Variants in ZMAT4 observed in about 807,000 individuals in gnomAD.
ZMAT4 encodes zinc finger matrin-type protein 4.
In ZMAT4, 17 loss-of-function variants were observed where a neutral mutation model predicts 28.7. The ratio of observed to expected loss-of-function variants is 0.59; its 90% CI spans 0.41 to 0.89. The LOEUF (loss-of-function observed/expected upper bound fraction) is 0.89. Among genes scored for constraint, ZMAT4 ranks in the 40% least tolerant of loss-of-function variants. The probability of loss-of-function intolerance (pLI) is 0.00; values close to 1 mark genes in which losing one functional copy is unlikely to be tolerated. For missense variants in ZMAT4, 240 were observed against 283.8 expected, an observed-to-expected ratio of 0.85 and a Z score of 1.11; for synonymous variants, 117 against 109.2, an observed-to-expected ratio of 1.07 and a Z score of -0.44.
intron 5 of ZMAT4, among the ~76,000 whole-genome samples, chr8:40,631,914 T>C (rs1285028623): frequency 2.0e-5 from 3 of 152,166 alleles, no homozygotes; most frequent in Admixed American, 2.0e-4. Flanking sequence ...CTTCAAATAC[T>C]CAGACGAAAC....
intron 5 of ZMAT4, among the ~76,000 whole-genome samples, chr8:40,653,674 G>C (rs1248054900): frequency 6.6e-6 from 1 of 152,006 alleles, no homozygotes; most frequent in African/African-American, 2.4e-5. Context: ...ACTTAAAACA[G>C]ATAAATTCAT....
intron 1 of ZMAT4, among the ~76,000 whole-genome samples, chr8:40,869,083 A>G (rs1210290928): frequency 6.6e-6 from 1 of 151,766 alleles, no homozygotes; most frequent in Non-Finnish European, 1.5e-5. Flanking sequence ...ATTCCCTCAC[A>G]TTTCCCATGT....
intron 3 of ZMAT4, among the ~76,000 whole-genome samples, chr8:40,761,486 T>C (rs1196820511): frequency 1.3e-5 from 2 of 152,044 alleles, no homozygotes; most frequent in Non-Finnish European, 2.9e-5. Flanking sequence ...AGCTTTTGCC[T>C]TGGGGAAGCC....
At chr8:40,713,430 G>A (rs1434830916) in intron 3 of ZMAT4, among the ~76,000 whole-genome samples, 1 of 150,908 alleles carries the variant, frequency 6.6e-6, no homozygotes, top group Admixed American at 6.6e-5. Flanking sequence ...CAAGATCAAG[G>A]TAAGGTAATG....
rs376308877 is a variant in ZMAT4, at chr8:40,715,556, G to A, written c.193-18155C>T. Among the ~76,000 whole-genome samples the A allele has an allele frequency of 5.3e-5, 8 of 152,042 alleles. No individual in the cohort carries two copies. In the East Asian group the frequency reaches 1.2e-3, roughly 22 times the overall value. On this transcript the variant is annotated intron_variant, in intron 3 of 6. Transcript: ENST00000297737. Reference sequence around the variant, plus strand: ...TGAATTGTCTAAACATTCCACAGTAGGTGATACTTTTTTACTTTTAAAAAA... The same window carrying A: ...TGAATTGTCTAAACATTCCACAGTAAGTGATACTTTTTTACTTTTAAAAAA...
chr8:40,876,987 C>A (rs1818062435), intron 1 of ZMAT4, among the ~76,000 whole-genome samples: 1 of 152,226 alleles, frequency 6.6e-6, no homozygotes, highest in Non-Finnish European at 1.5e-5. Context: ...CTAGCCTCCA[C>A]TCCTTCAGAA....
intron 5 of ZMAT4, among the ~76,000 whole-genome samples, chr8:40,625,301 C>T (rs965771477): frequency 5.9e-5 from 9 of 152,038 alleles, no homozygotes; most frequent in African/African-American, 9.7e-5. Context: ...CCCTAAGAAC[C>T]GGTTCCAATT....
intron 3 of ZMAT4, among the ~76,000 whole-genome samples, chr8:40,715,027 G>C (rs578245987): frequency 1.6e-5 from 2 of 127,284 alleles, no homozygotes; most frequent in African/African-American, 3.2e-5. Context: ...CCAGCCTGGC[G>C]ACAGAGGGAG....
rs1356208244 is a variant in ZMAT4, at chr8:40,601,706, AAAGAAAGAAAGAAAGAAAGAAAGAG to A, written c.578-20470_578-20446del. Among the ~76,000 whole-genome samples the A allele has an allele frequency of 3.0e-3, 40 of 13,278 alleles. 8 individuals are homozygous for A. Among genetic ancestry groups the A allele is most frequent in the East Asian group, 0.011 (1 of 90 alleles). The allele number at this position is 13,278 out of a possible 152,430, so 8.7% of individuals were successfully genotyped here. ...AAAGAAAGAAAGAAAGAAAGAAAGA[AAAGAAAGAAAGAAAGAAAGAAAGAG>A]AAAGCAGGCAGGCAGGCAGGCAAAG... is the stretch of plus-strand genomic sequence containing the variant. On this transcript the variant is annotated intron_variant, in intron 5 of 6. Coordinates refer to ENST00000297737, the MANE Select transcript of ZMAT4 (RefSeq NM_024645.3).
intron 1 of ZMAT4, among the ~76,000 whole-genome samples, chr8:40,894,304 C>A (rs1356232153): frequency 2.6e-5 from 4 of 152,206 alleles, no homozygotes; most frequent in African/African-American, 9.7e-5. Flanking sequence ...AGGATTACCT[C>A]ATTGCTCCCC....
chr8:40,739,950 C>A (rs541081097), intron 3 of ZMAT4, among the ~76,000 whole-genome samples: 1 of 152,168 alleles, frequency 6.6e-6, no homozygotes, highest in African/African-American at 2.4e-5. Context: ...CCAGCTTCAT[C>A]CATGTCCCTG....
chr8:40,723,542 CAAAAAAAAAAA>C (rs58513087), intron 3 of ZMAT4, among the ~76,000 whole-genome samples: 7 of 66,862 alleles, frequency 1.0e-4, no homozygotes, highest in East Asian at 5.8e-4. Flanking sequence ...GATTCCATCT[CAAAAAAAAAAA>C]AAAAAAAAAA....
intron 4 of ZMAT4, among the ~76,000 whole-genome samples, chr8:40,688,995 T>TC (rs1055380464): frequency 5.4e-4 from 82 of 152,244 alleles, no homozygotes; most frequent in African/African-American, 1.7e-3. Flanking sequence ...GTAATTGGCT[T>TC]CTTGGGGACT....
intron 1 of ZMAT4, among the ~76,000 whole-genome samples, chr8:40,863,740 C>A (rs2150647138): frequency 6.6e-6 from 1 of 152,120 alleles, no homozygotes; most frequent in African/African-American, 2.4e-5. Flanking sequence ...ACAAAATTAC[C>A]CTCAAAATTA....
intron 5 of ZMAT4, among the ~76,000 whole-genome samples, chr8:40,642,496 C>T (rs1387064209): frequency 6.6e-6 from 1 of 152,158 alleles, no homozygotes; most frequent in African/African-American, 2.4e-5. Flanking sequence ...CCAGTTTTCT[C>T]ACTGGGTCAA....
At chr8:40,544,605 A>G (rs544635695) in intron 6 of ZMAT4, among the ~76,000 whole-genome samples, 1 of 152,348 alleles carries the variant, frequency 6.6e-6, no homozygotes, top group African/African-American at 2.4e-5. Context: ...CTTTTTTTCT[A>G]GTACAGTAAA....
At chr8:40,612,450 G>T (rs939051722) in intron 5 of ZMAT4, among the ~76,000 whole-genome samples, 1 of 137,894 alleles carries the variant, frequency 7.3e-6, no homozygotes, top group Non-Finnish European at 1.7e-5. Flanking sequence ...GGCTTCCCAT[G>T]CACACACAGT....
intron 1 of ZMAT4, among the ~76,000 whole-genome samples, chr8:40,831,167 T>C (rs1816267445): frequency 6.6e-6 from 1 of 152,196 alleles, no homozygotes; most frequent in Admixed American, 6.5e-5. Context: ...GTATCAACAA[T>C]ACCATCCACA....
At chr8:40,706,226 G>C (rs66528523) in intron 3 of ZMAT4, among the ~76,000 whole-genome samples, 47,209 of 151,918 alleles carry the variant, frequency 0.31, 9,199 homozygotes, top group Middle Eastern at 0.53. Context: ...CTAATTTTTT[G>C]TATTTGTTTA....
Sources: allele counts gnomAD v4.1 joint callset (sites outside exome capture counted in the v4.1 genomes callset), GRCh38; gene constraint gnomAD v4.1.1; transcripts MANE v1.5; gene names NCBI Gene and HGNC (gene_info 2026-07-23, HGNC 2026-07-21).